Variants in LYPD6B observed in about 807,000 individuals in gnomAD.
LYPD6B encodes ly6/PLAUR domain-containing protein 6B.
LYPD6B carries 17 observed loss-of-function variants against 22.8 expected under a neutral mutation model. The observed-to-expected ratio is 0.75, with a 90% CI of 0.51 to 1.12. LYPD6B has a LOEUF of 1.12. LYPD6B is among the 50% of genes most tolerant of loss of function. LYPD6B has a pLI of 0.00. For synonymous variants in LYPD6B, 106 were observed against 91.6 expected (o/e 1.16, Z -0.90); for missense variants, 221 against 258.3 (o/e 0.86, Z 0.99).
intron 1 of LYPD6B, among the ~76,000 whole-genome samples, chr2:149,107,722 T>C (rs1686547267): frequency 6.6e-6 from 1 of 152,208 alleles, no homozygotes; most frequent in African/African-American, 2.4e-5. Flanking sequence ...TCTATTATAT[T>C]CAAAGAACAT....
intron 3 of LYPD6B, among the ~76,000 whole-genome samples, chr2:149,165,486 A>C (rs1476772987): frequency 6.6e-6 from 1 of 152,184 alleles, no homozygotes; most frequent in Non-Finnish European, 1.5e-5. Context: ...GGAGTCTGGA[A>C]AGTGGAGGTC....
At chr2:149,158,272 T>C (rs951102385) in intron 2 of LYPD6B, among the ~76,000 whole-genome samples, 2 of 152,136 alleles carry the variant, frequency 1.3e-5, no homozygotes, top group African/African-American at 4.8e-5. Flanking sequence ...GAATTAACTA[T>C]ATAAAAATTG....
intron 3 of LYPD6B, among the ~76,000 whole-genome samples, chr2:149,168,211 C>CAAAAAAAAAAAAAAAAAA (rs386391472): frequency 2.1e-5 from 1 of 48,488 alleles, no homozygotes; most frequent in African/African-American, 7.8e-5. Context: ...GGCTCTGTCT[C>CAAAAAAAAAAAAAAAAAA]AAAAAAAAAA....
intron 3 of LYPD6B, among the ~76,000 whole-genome samples, chr2:149,189,193 C>A (rs573638285): frequency 5.9e-5 from 9 of 151,868 alleles, no homozygotes; most frequent in Admixed American, 5.9e-4. Flanking sequence ...AGCCTGAAAT[C>A]TGGGGTCCCA....
At chr2:149,096,683 T>C (rs1161858811) in intron 1 of LYPD6B, among the ~76,000 whole-genome samples, 1 of 152,146 alleles carries the variant, frequency 6.6e-6, no homozygotes, top group Non-Finnish European at 1.5e-5. Context: ...TATCCCTGGG[T>C]GGTTGATTTT....
intron 3 of LYPD6B, chr2:149,187,443 CAGA>C (rs1348664564): frequency 1.3e-6 from 2 of 1,530,034 alleles, no homozygotes; most frequent in Non-Finnish European, 1.8e-6. Flanking sequence ...AGGCATTGTA[CAGA>C]AGAAGATGAG....
At chr2:149,084,806 C>T (rs1685312128) in intron 1 of LYPD6B, among the ~76,000 whole-genome samples, 1 of 152,154 alleles carries the variant, frequency 6.6e-6, no homozygotes, top group Admixed American at 6.5e-5. Context: ...TCTTAGTCCA[C>T]CTTTCCCATA....
intron 1 of LYPD6B, among the ~76,000 whole-genome samples, chr2:149,066,181 AT>A (rs544714168): frequency 4.0e-4 from 60 of 150,272 alleles, no homozygotes; most frequent in African/African-American, 1.5e-3. Flanking sequence ...CAAATTTATT[AT>A]TTTTTTAATT....
intron 3 of LYPD6B, among the ~76,000 whole-genome samples, chr2:149,189,656 A>G (rs773356658): frequency 2.6e-5 from 4 of 152,026 alleles, no homozygotes; most frequent in Non-Finnish European, 5.9e-5. Flanking sequence ...ATAAATGGAA[A>G]TAAACCTGTT....
At chr2:149,180,127 AC>A (rs1404948721) in intron 3 of LYPD6B, among the ~76,000 whole-genome samples, 1 of 152,218 alleles carries the variant, frequency 6.6e-6, no homozygotes, top group Admixed American at 6.5e-5. Context: ...ATCTGCGAAG[AC>A]ACTTTGTCTG....
chr2:149,135,719 CAAAA>C (rs386391471), intron 2 of LYPD6B, among the ~76,000 whole-genome samples: 136 of 32,234 alleles, frequency 4.2e-3, no homozygotes, highest in African/African-American at 0.014. Flanking sequence ...GACCATGTCT[CAAAA>C]AAAAAAAAAA....
intron 1 of LYPD6B, among the ~76,000 whole-genome samples, chr2:149,092,981 A>C (rs143929406): frequency 1.3e-4 from 20 of 152,338 alleles, no homozygotes; most frequent in Non-Finnish European, 1.9e-4. Context: ...AATAGTTGGC[A>C]TCAGCAGGGG....
intron 1 of LYPD6B, among the ~76,000 whole-genome samples, chr2:149,058,479 C>T (rs1683910031): frequency 1.3e-5 from 2 of 152,316 alleles, no homozygotes; most frequent in South Asian, 2.1e-4. Context: ...CCCCATCTTT[C>T]TCAGGTAACA....
At chr2:149,150,384 A>G (rs1053513604) in intron 2 of LYPD6B, among the ~76,000 whole-genome samples, 6 of 152,200 alleles carry the variant, frequency 3.9e-5, no homozygotes, top group African/African-American at 1.2e-4. Flanking sequence ...TAGGAAGTCA[A>G]ATTCTTGATC....
At chr2:149,107,923 T>C (rs1222842732) in intron 1 of LYPD6B, among the ~76,000 whole-genome samples, 4 of 152,216 alleles carry the variant, frequency 2.6e-5, no homozygotes, top group Non-Finnish European at 5.9e-5. Flanking sequence ...TTCTACTTGT[T>C]CTATCAATTA....
chr2:149,198,852 A>G (rs1436336385), intron 3 of LYPD6B, among the ~76,000 whole-genome samples: 1 of 152,228 alleles, frequency 6.6e-6, no homozygotes, highest in Admixed American at 6.5e-5. Context: ...ATGACTCTTT[A>G]TGGAATAACT....
chr2:149,147,906 C>CTGTGTGTGTGTG (rs61441741), intron 2 of LYPD6B, among the ~76,000 whole-genome samples: 10,946 of 138,948 alleles, frequency 0.079, 646 homozygotes, highest in African/African-American at 0.15. Context: ...GCACATGGGC[C>CTGTGTGTGTGTG]TGTGTGTGTG....
chr2:149,211,925 A>G (rs1256606822), intron 5 of LYPD6B, among the ~76,000 whole-genome samples: 1 of 152,130 alleles, frequency 6.6e-6, no homozygotes, highest in African/African-American at 2.4e-5. Flanking sequence ...CTGGGTAGAA[A>G]TGAGGTACTG....
chr2:149,050,035 C>T (rs554213863), intron 1 of LYPD6B, among the ~76,000 whole-genome samples: 6 of 152,170 alleles, frequency 3.9e-5, no homozygotes, highest in Non-Finnish European at 8.8e-5. Context: ...AGGTACTAGA[C>T]TCAACTCCCC....
Sources: allele counts gnomAD v4.1 joint callset (sites outside exome capture counted in the v4.1 genomes callset), GRCh38; gene constraint gnomAD v4.1.1; transcripts MANE v1.5; gene names NCBI Gene and HGNC (gene_info 2026-07-23, HGNC 2026-07-21).